The following PRKACA variants were observed in gnomAD, a reference collection of about 807,000 sequenced individuals.
PRKACA encodes the protein protein kinase cAMP-activated catalytic subunit alpha.
In PRKACA, 9 loss-of-function variants were observed where a neutral mutation model predicts 45.8. The observed-to-expected ratio is 0.20, with a 90% confidence interval of 0.12 to 0.34. PRKACA has a LOEUF of 0.34. Among genes scored for constraint, PRKACA ranks in the 10% least tolerant of loss-of-function variants. The probability of loss-of-function intolerance (pLI) is 1.00; values close to 1 mark genes in which losing one functional copy is unlikely to be tolerated. For missense variants in PRKACA, 238 were observed against 458.6 expected, an observed-to-expected ratio of 0.52 and a Z score of 4.39; for synonymous variants, 160 against 178.6, an observed-to-expected ratio of 0.90 and a Z score of 0.83.
chr19:14,106,938 G>T, intron 2 of PRKACA, 50 bp from the exon 3 acceptor site: 1 of 1,608,536 alleles, frequency 6.2e-7, no homozygotes, highest in Non-Finnish European at 8.5e-7. Flanking sequence ...CCCGCGGCCT[G>T]CTTGGCTAAG....
chr19:14,106,420 G>A (rs551110885), intron 3 of PRKACA, among the ~76,000 whole-genome samples: 24 of 152,274 alleles, frequency 1.6e-4, no homozygotes, highest in East Asian at 9.7e-4. Flanking sequence ...TTGGGAGGCT[G>A]AGGCAGGTGT....
In PRKACA at chr19:14,097,693, G is replaced by A. The variant is rs756779889; in HGVS notation, c.547-19C>T. The A allele has an allele frequency of 7.4e-6, 12 of 1,611,356 alleles. No homozygotes were observed. The highest frequency in any genetic ancestry group is 2.7e-5 in the African/African-American group (2 of 74,876). On this transcript the variant is annotated intron_variant, in intron 6 of 9. Coordinates refer to ENST00000308677, the MANE Select transcript of PRKACA (RefSeq NM_002730.4). The surrounding 1 kb of genome is among the most constrained non-coding windows in gnomAD (Gnocchi z 5.4). ...CTGTCACCTGTGGGCACAAGAACAG[G>A]CAGTTGGCAGGGAGGAAGGGTCCAG...
At position 14,096,564 on chromosome 19, in the gene PRKACA, G is replaced by A. The variant is rs1048421392; in HGVS notation, c.765+797C>T. The A allele has an allele frequency of 3.3e-4, 50 of 153,624 alleles. 1 individual carries two copies. Among genetic ancestry groups the A allele is most frequent in the African/African-American group, 1.1e-3 (47 of 41,536 alleles). 9.5% of individuals were successfully genotyped at this position (153,624 alleles called of 1,614,324 possible). On this transcript the variant is annotated intron_variant, in intron 8 of 9. Transcript: ENST00000308677. ...GCTCCCACCACAGTGTCATGACTCC[G>A]GGCCAACCAAAAGCTCCTGTGTAGG... is the stretch of plus-strand genomic sequence containing the variant.
In PRKACA at chr19:14,093,355, C is replaced by G. The variant is rs569395810; in HGVS notation, c.931-118G>C. ...TTACTCTGACTCAGGCCTGTGCTTA[C>G]CATTAGGTTATGGATTCCTCTTAAC... On this transcript the variant is annotated intron_variant, in intron 9 of 9. Transcript: ENST00000308677. 82 of 1,362,674 alleles carry G rather than the reference C, an allele frequency of 6.0e-5. 1 individual carries two copies. Among genetic ancestry groups the G allele is most frequent in the Non-Finnish European group, 7.5e-5 (75 of 996,390 alleles). 84.4% of individuals were successfully genotyped at this position (1,362,674 alleles called of 1,614,324 possible).
intron 8 of PRKACA, 78 bp from the exon 9 acceptor site, chr19:14,093,870 A>C (rs780376813): frequency 4.3e-5 from 62 of 1,445,038 alleles, no homozygotes; most frequent in Non-Finnish European, 5.7e-5. Flanking sequence ...TTCTCCATCC[A>C]ACGGTCCTAC....
chr19:14,097,338 G>A lies in PRKACA; in HGVS notation c.765+23C>T. 6.2e-7 allele frequency: 1 copy of A among 1,613,976 alleles called. No homozygotes were observed. Among genetic ancestry groups the A allele is most frequent in the East Asian group, 2.2e-5 (1 of 44,880 alleles). ...GGAACGGTCTGTTTCTTCCAGGGCT[G>A]TGTCCCCACATCCGGACCTCACCTT... On this transcript the variant is annotated intron_variant, in intron 8 of 9. Coordinates refer to ENST00000308677, the MANE Select transcript of PRKACA (RefSeq NM_002730.4). The surrounding 1 kb of genome is among the most constrained non-coding windows in gnomAD (Gnocchi z 5.4).
At chr19:14,109,025 G>A (rs1977694382) in intron 1 of PRKACA, among the ~76,000 whole-genome samples, 1 of 150,442 alleles carries the variant, frequency 6.6e-6, no homozygotes, top group African/African-American at 2.4e-5. Context: ...ACCGTGCCCA[G>A]CCTATTATTT....
Position 14,116,631 on chromosome 19 carries a change from T to C in PRKACA, c.46+871A>G, listed in dbSNP as rs2144500105. Among the ~76,000 whole-genome samples the C allele has an allele frequency of 2.0e-5, 3 of 152,212 alleles. No homozygotes were observed. In the South Asian group the frequency reaches 6.2e-4, roughly 32 times the overall value. On this transcript the variant is annotated intron_variant, in intron 1 of 9. Coordinates refer to ENST00000308677, the MANE Select transcript of PRKACA (RefSeq NM_002730.4). ...GCCCTCCATGGAGCCTAGAGCTCACTGCAAGACAGGAAATGAGAGGGGGCT... is the reference window on the plus strand; with the variant it reads ...GCCCTCCATGGAGCCTAGAGCTCACCGCAAGACAGGAAATGAGAGGGGGCT...
intron 3 of PRKACA, 42 bp from the exon 4 acceptor site, chr19:14,102,956 G>A: frequency 6.8e-7 from 1 of 1,475,226 alleles, no homozygotes; most frequent in South Asian, 1.1e-5. Context: ...AGGGGGAGGT[G>A]AGAGGGGCCT....
rs1185094959 is a variant in PRKACA, at chr19:14,097,224, T to A, written c.765+137A>T. On this transcript the variant is annotated intron_variant, in intron 8 of 9. Transcript: ENST00000308677. The surrounding 1 kb of genome is among the most constrained non-coding windows in gnomAD (Gnocchi z 5.4). Reference sequence around the variant, plus strand: ...TGTTGGCCTCAGTGTGGCCGGCGCGTCCAGCTTCACCACCTGGCCTGACTT... The same window carrying A: ...TGTTGGCCTCAGTGTGGCCGGCGCGACCAGCTTCACCACCTGGCCTGACTT... 3.6e-6 allele frequency: 5 copies of A among 1,399,860 alleles called. No homozygotes were observed. The African/African-American group carries it at 7.1e-5, about 20-fold the overall frequency. The allele number at this position is 1,399,860 out of a possible 1,614,324, so 86.7% of individuals were successfully genotyped here.
intron 8 of PRKACA, among the ~76,000 whole-genome samples, chr19:14,095,055 G>A (rs1014367510): frequency 4.6e-5 from 7 of 152,234 alleles, no homozygotes; most frequent in South Asian, 2.1e-4. Context: ...TACCACTGAC[G>A]GTGCGGGGGA....
chr19:14,100,419 TC>T (rs1369623288), intron 5 of PRKACA, among the ~76,000 whole-genome samples: 1 of 152,072 alleles, frequency 6.6e-6, no homozygotes, highest in African/African-American at 2.4e-5. Context: ...TGCCTCAGCC[TC>T]CCAAGTAGCT....
chr19:14,104,799 G>T (rs550305013), intron 3 of PRKACA, among the ~76,000 whole-genome samples: 1 of 152,008 alleles, frequency 6.6e-6, no homozygotes, highest in Non-Finnish European at 1.5e-5. Flanking sequence ...CTTGAAACCC[G>T]GAGGCAGAGG....
chr19:14,106,391 C>T lies in PRKACA; in HGVS notation c.237+369G>A, dbSNP rs41296264. Among the ~76,000 whole-genome samples, 435 of 151,998 alleles carry T rather than the reference C, an allele frequency of 2.9e-3. 3 individuals are homozygous for T. The highest frequency in any genetic ancestry group is 9.7e-3 in the African/African-American group (401 of 41,448). ...CCAAGCGGCCAGGCGCGGTGGCTCA[C>T]GCCTGTAATCCCAGCACTTTGGGAG... On this transcript the variant is annotated intron_variant, in intron 3 of 9. Transcript: ENST00000308677.
intron 4 of PRKACA, 161 bp from the exon 5 acceptor site, chr19:14,101,069 T>C: frequency 4.7e-6 from 3 of 633,314 alleles, no homozygotes; most frequent in South Asian, 1.8e-5. Context: ...TATCCTGCTG[T>C]TAATGGGTGA....
rs558255922 is a variant in PRKACA, at chr19:14,106,724, G to A, written c.237+36C>T. The stretch of plus-strand genomic sequence containing the variant: ...GTGGGCACAGTCCAGGCAAAGGCCT[G>A]ACAGGCAGGCCCTGAGCGAGGACAG... On this transcript the variant is annotated intron_variant, in intron 3 of 9. Coordinates refer to ENST00000308677, the MANE Select transcript of PRKACA (RefSeq NM_002730.4). The A allele has an allele frequency of 4.3e-6, 7 of 1,613,240 alleles. No homozygotes were observed. In the East Asian group the frequency reaches 1.3e-4, roughly 31 times the overall value.
chr19:14,094,156 A>C (rs1599332656), intron 8 of PRKACA, among the ~76,000 whole-genome samples: 1 of 123,880 alleles, frequency 8.1e-6, no homozygotes, highest in African/African-American at 3.1e-5. Context: ...GAGCCACCAC[A>C]CCCAGCAAGA....
rs369958809 is a variant in PRKACA at position 14,114,168 on chromosome 19, T to C, written c.46+3334A>G. 6 of 1,610,772 alleles carry C rather than the reference T, an allele frequency of 3.7e-6. No homozygotes were observed. The Admixed American group carries it at 6.7e-5, about 18-fold the overall frequency. ...AGTTGGAAGCCATCACTCAGTCCTG[T>C]TCTCAGGGCACCGGCACTACGGTGG... On this transcript the variant is annotated intron_variant, in intron 1 of 9. Transcript: ENST00000308677.
chr19:14,093,053 C>G lies in PRKACA; in HGVS notation c.*59G>C. On this transcript the variant is annotated 3_prime_UTR_variant, in exon 10 of 10. Coordinates refer to ENST00000308677, the MANE Select transcript of PRKACA (RefSeq NM_002730.4). ...GGCTGTTCAATCCAACCCTCCCACCCCCCCGACCAAAAAAAAGAAAAAAGA... is the reference window on the plus strand; with the variant it reads ...GGCTGTTCAATCCAACCCTCCCACCGCCCCGACCAAAAAAAAGAAAAAAGA... 8.0e-7 allele frequency: 1 copy of G among 1,253,304 alleles called. No homozygotes were observed. The highest frequency in any genetic ancestry group is 1.1e-6 in the Non-Finnish European group (1 of 950,900). 77.6% of individuals were successfully genotyped at this position (1,253,304 alleles called of 1,614,324 possible). A position where few individuals can be genotyped will look rare whatever the true frequency, so the allele number is the denominator to read the frequency against.
Sources: allele counts gnomAD v4.1 joint callset (sites outside exome capture counted in the v4.1 genomes callset), GRCh38; gene constraint gnomAD v4.1.1; non-coding constraint Gnocchi (gnomAD v3.1); transcripts MANE v1.5; gene names NCBI Gene and HGNC (gene_info 2026-07-23, HGNC 2026-07-21).